SERPINB7: variants seen among roughly 807,000 people sequenced by gnomAD.
SERPINB7 encodes serpin family B member 7.
A neutral mutation model predicts 37.4 loss-of-function variants in SERPINB7; 31 were observed. The ratio of observed to expected loss-of-function variants is 0.83; its 90% CI spans 0.62 to 1.12. The LOEUF (loss-of-function observed/expected upper bound fraction) is 1.12. SERPINB7 is among the 50% of genes most tolerant of loss of function. The pLI is 0.00. For missense variants in SERPINB7, 521 were observed against 455.3 expected (o/e 1.14, Z -1.31); for synonymous variants, 163 against 166.1 (o/e 0.98, Z 0.14).
chr18:63,795,576 T>TAAAAAAAAAA (rs5825537), intron 4 of SERPINB7, among the ~76,000 whole-genome samples: 3 of 115,768 alleles, frequency 2.6e-5, no homozygotes, highest in Non-Finnish European at 3.8e-5. Context: ...AAAAAAGAAT[T>TAAAAAAAAAA]AAAAAAAAAA....
intron 1 of SERPINB7, among the ~76,000 whole-genome samples, chr18:63,761,562 C>T (rs949747530): frequency 1.3e-5 from 2 of 152,032 alleles, no homozygotes; most frequent in African/African-American, 4.8e-5. Context: ...TGACTGTGTC[C>T]CCATCCAAAT....
At chr18:63,779,169 G>T (rs997347266) in intron 1 of SERPINB7, among the ~76,000 whole-genome samples, 14 of 151,334 alleles carry the variant, frequency 9.3e-5, no homozygotes, top group African/African-American at 3.1e-4. Context: ...GTAGCTGTTG[G>T]TGGCTGTTGG....
intron 2 of SERPINB7, among the ~76,000 whole-genome samples, chr18:63,783,418 G>C (rs1344214097): frequency 6.6e-6 from 1 of 152,118 alleles, no homozygotes; most frequent in East Asian, 1.9e-4. Flanking sequence ...CACTGCCTGA[G>C]TAGATACAGT....
chr18:63,783,232 G>GAGAGAAAGAA (rs2049328062), intron 2 of SERPINB7, among the ~76,000 whole-genome samples: 7 of 40,726 alleles, frequency 1.7e-4, no homozygotes, highest in East Asian at 6.9e-4. Flanking sequence ...GAGAGAGAGA[G>GAGAGAAAGAA]AGAAAGAAAG....
chr18:63,787,965 A>T (rs1260494086), intron 2 of SERPINB7, among the ~76,000 whole-genome samples: 2 of 152,212 alleles, frequency 1.3e-5, no homozygotes, highest in Non-Finnish European at 2.9e-5. Context: ...ATGTGTTTGT[A>T]GTGATGCTGG....
At chr18:63,794,706 A>G (rs1377751010) in intron 4 of SERPINB7, among the ~76,000 whole-genome samples, 2 of 138,362 alleles carry the variant, frequency 1.4e-5, no homozygotes, top group South Asian at 2.5e-4. Context: ...CAAAAAACAA[A>G]TAAACAAAAA....
chr18:63,795,312 G>T (rs903000072), intron 4 of SERPINB7, among the ~76,000 whole-genome samples: 8 of 152,314 alleles, frequency 5.3e-5, no homozygotes, highest in African/African-American at 1.9e-4. Context: ...TGTAATCCCA[G>T]CACTTTGGGA....
chr18:63,799,585 T>C (rs1369288388), intron 6 of SERPINB7, among the ~76,000 whole-genome samples: 1 of 152,200 alleles, frequency 6.6e-6, no homozygotes, highest in Non-Finnish European at 1.5e-5. Context: ...AGTTCTATCA[T>C]ATTAAAAATT....
At chr18:63,785,174 T>C (rs1227450135) in intron 2 of SERPINB7, among the ~76,000 whole-genome samples, 5 of 152,260 alleles carry the variant, frequency 3.3e-5, no homozygotes, top group Non-Finnish European at 7.3e-5. Context: ...TAATCCTCTG[T>C]AAATGTCTTC....
Position 63,798,741 on chromosome 18 carries a change from C to T in SERPINB7, c.592C>T (p.Pro198Ser), listed in dbSNP as rs1356380726. 8.1e-6 allele frequency: 13 copies of T among 1,612,290 alleles called. No individual in the cohort carries two copies. The Admixed American group carries it at 1.8e-4, about 23-fold the overall frequency. The change falls in exon 6 of 8, where the codon CCC becomes TCC. Residue 198 changes from proline to serine, a missense_variant. By Grantham distance (74) the Pro-to-Ser change is moderately conservative (BLOSUM62 -1). Coordinates refer to ENST00000398019, the MANE Select transcript of SERPINB7 (RefSeq NM_003784.4). ...SETINCHFKS[P>S]KCSGKAVAMM... ...AACCATAAATTGCCATTTCAAATCT[C>T]CCAAGGTATGTCGTCAATCTCCTAT...
At chr18:63,788,024 C>A (rs531361200) in intron 2 of SERPINB7, among the ~76,000 whole-genome samples, 1 of 152,228 alleles carries the variant, frequency 6.6e-6, no homozygotes, top group Admixed American at 6.5e-5. Context: ...CCAACACATA[C>A]AATGATGTAC....
intron 1 of SERPINB7, among the ~76,000 whole-genome samples, chr18:63,758,715 A>G (rs1036734136): frequency 1.3e-5 from 2 of 152,154 alleles, no homozygotes; most frequent in African/African-American, 4.8e-5. Context: ...CCTCACGACA[A>G]TCTTGGTGAT....
chr18:63,770,897 ACACT>A (rs961191205), upstream of SERPINB7, among the ~76,000 whole-genome samples: 11 of 150,666 alleles, frequency 7.3e-5, no homozygotes, highest in Non-Finnish European at 1.6e-4. Context: ...ACACACACAC[ACACT>A]CACTCACACA....
intron 4 of SERPINB7, 147 bp from the exon 5 acceptor site, chr18:63,796,119 C>T (rs1202653878): frequency 1.9e-6 from 1 of 527,862 alleles, no homozygotes; most frequent in Non-Finnish European, 3.4e-6. Flanking sequence ...AGTCCCATTT[C>T]CATATATCCC....
At chr18:63,788,482 T>A (rs911143226) in intron 2 of SERPINB7, among the ~76,000 whole-genome samples, 1 of 152,216 alleles carries the variant, frequency 6.6e-6, no homozygotes, top group Admixed American at 6.5e-5. Context: ...AAAATGTTTT[T>A]AAAAAATAAG....
At chr18:63,772,318 G>A (rs2049216220), upstream of SERPINB7, among the ~76,000 whole-genome samples, 1 of 152,004 alleles carries the variant, frequency 6.6e-6, no homozygotes, top group South Asian at 2.1e-4. Context: ...AAATTAAAGT[G>A]AGGATTTAAG....
At chr18:63,791,899 C>T (rs538852353) in intron 2 of SERPINB7, among the ~76,000 whole-genome samples, 2 of 152,200 alleles carry the variant, frequency 1.3e-5, no homozygotes, top group Admixed American at 6.5e-5. Flanking sequence ...CCTGAGCCAC[C>T]GCACCCGGCC....
chr18:63,761,265 A>T (rs1428151358), intron 1 of SERPINB7, among the ~76,000 whole-genome samples: 4 of 152,168 alleles, frequency 2.6e-5, no homozygotes, highest in Non-Finnish European at 5.9e-5. Context: ...TCAAACTTGC[A>T]TGGGCCCTGT....
In SERPINB7 at chr18:63,804,468, T is replaced by C; in HGVS notation, c.976T>C (p.Tyr326His). ...LYISRMMHKS[Y>H]IEVTEEGTEA... ...TATATCAAGGATGATGCACAAATCT[T>C]ACATAGAGGTCACTGAGGAGGGCAC... The change falls in exon 8 of 8, where the codon TAC becomes CAC. Residue 326 changes from tyrosine to histidine, a missense_variant. Physicochemically the swap from Tyr to His is moderately conservative, Grantham distance 83 (BLOSUM62 2). Coordinates refer to ENST00000398019, the MANE Select transcript of SERPINB7 (RefSeq NM_003784.4). 6.2e-7 allele frequency: 1 copy of C among 1,613,790 alleles called. No individual in the cohort carries two copies. The highest frequency in any genetic ancestry group is 1.1e-5 in the South Asian group (1 of 91,074).
Sources: gnomAD v4.1 joint callset for allele counts (sites outside exome capture counted in the v4.1 genomes callset) on GRCh38, gnomAD v4.1.1 for gene constraint, MANE v1.5 for transcripts, NCBI Gene and HGNC (gene_info 2026-07-23, HGNC 2026-07-21) for gene names.